The following GALNT1 variants were observed in gnomAD, a reference collection of about 807,000 sequenced individuals.
The protein encoded by GALNT1 is GalNAc transferase 1.
In GALNT1, 17 loss-of-function variants were observed where a neutral mutation model predicts 65.7. The observed-to-expected ratio is 0.26, with a 90% CI of 0.18 to 0.39. The LOEUF is 0.39. Ranked by LOEUF, GALNT1 falls within the 10% of genes least tolerant of loss-of-function variation. The pLI is 1.00. For missense variants in GALNT1, 460 were observed against 672.8 expected, an observed-to-expected ratio of 0.68 and a Z score of 3.50; for synonymous variants, 210 against 219.7, an observed-to-expected ratio of 0.96 and a Z score of 0.39.
In GALNT1 at chr18:35,609,453, A is replaced by G. The variant is rs1403248081; in HGVS notation, c.-104+27591A>G. 2.6e-5 allele frequency among the ~76,000 whole-genome samples: 4 copies of G among 152,092 alleles called. No homozygotes were observed. The East Asian group carries it at 7.7e-4, about 29-fold the overall frequency. On this transcript the variant is annotated intron_variant, in intron 1 of 11. Transcript: ENST00000269195. ...TTGAGATGGTGTTTGCTCTTGGATA[A>G]TTTTGCCTGGAGCGCCTTGCTGCCC... is the stretch of plus-strand genomic sequence containing the variant.
intron 1 of GALNT1, among the ~76,000 whole-genome samples, chr18:35,653,716 A>G (rs1384943213): frequency 6.6e-6 from 1 of 152,200 alleles, no homozygotes; most frequent in Non-Finnish European, 1.5e-5. Context: ...CTATGCTCAA[A>G]CTATCCCAAA....
At chr18:35,633,805 C>G (rs1248223699) in intron 1 of GALNT1, among the ~76,000 whole-genome samples, 3 of 152,090 alleles carry the variant, frequency 2.0e-5, no homozygotes, top group Non-Finnish European at 4.4e-5. Context: ...AAAGCATAGT[C>G]CCAATACTAA....
intron 1 of GALNT1, among the ~76,000 whole-genome samples, chr18:35,640,301 A>G (rs1401947672): frequency 6.6e-6 from 1 of 152,228 alleles, no homozygotes; most frequent in Non-Finnish European, 1.5e-5. Context: ...TTTAAAATCA[A>G]CAAATAAAAA....
chr18:35,602,408 C>T (rs2046593301), intron 1 of GALNT1, among the ~76,000 whole-genome samples: 1 of 152,014 alleles, frequency 6.6e-6, no homozygotes, highest in Admixed American at 6.6e-5. Flanking sequence ...ATATCTTTCT[C>T]TAGGTTTGGA....
At chr18:35,590,017 C>A (rs1164195887) in intron 1 of GALNT1, among the ~76,000 whole-genome samples, 2 of 152,194 alleles carry the variant, frequency 1.3e-5, no homozygotes, top group East Asian at 3.8e-4. Flanking sequence ...TAGACTTTGA[C>A]TAGCACTGCC....
chr18:35,706,714 C>T (rs1340406581), intron 11 of GALNT1, among the ~76,000 whole-genome samples: 1 of 152,068 alleles, frequency 6.6e-6, no homozygotes, highest in African/African-American at 2.4e-5. Context: ...GGAATACCTC[C>T]CTCTCCCTGG....
At chr18:35,659,406 CT>C (rs2047444883) in intron 2 of GALNT1, among the ~76,000 whole-genome samples, 1 of 152,120 alleles carries the variant, frequency 6.6e-6, no homozygotes, top group South Asian at 2.1e-4. Flanking sequence ...GAGTCGTTCT[CT>C]TAAGTCTATA....
intron 2 of GALNT1, among the ~76,000 whole-genome samples, chr18:35,656,372 A>G (rs1332486307): frequency 1.3e-5 from 2 of 152,246 alleles, no homozygotes; most frequent in Non-Finnish European, 2.9e-5. Flanking sequence ...GGGAACTCAC[A>G]GTCTAATGGA....
intron 9 of GALNT1, among the ~76,000 whole-genome samples, chr18:35,700,765 A>G (rs1319070033): frequency 1.3e-5 from 2 of 152,124 alleles, no homozygotes; most frequent in Admixed American, 1.3e-4. Context: ...TTCTACATGC[A>G]TGAGCCACCA....
chr18:35,652,107 C>T (rs986791970), intron 1 of GALNT1, among the ~76,000 whole-genome samples: 1 of 151,976 alleles, frequency 6.6e-6, no homozygotes, highest in Non-Finnish European at 1.5e-5. Context: ...CAGATTTCTT[C>T]CTGGTACGGT....
intron 3 of GALNT1, among the ~76,000 whole-genome samples, chr18:35,670,338 GT>G (rs1250085953): frequency 1.3e-5 from 2 of 151,922 alleles, no homozygotes; most frequent in Non-Finnish European, 2.9e-5. Context: ...AGGTTTTAAG[GT>G]CTATATTAAA....
At chr18:35,622,675 TA>T (rs2046868100) in intron 1 of GALNT1, among the ~76,000 whole-genome samples, 1 of 152,222 alleles carries the variant, frequency 6.6e-6, no homozygotes, top group South Asian at 2.1e-4. Flanking sequence ...GATTTTCTAT[TA>T]TTTTTTGTTC....
chr18:35,610,005 GC>G (rs2046697201), intron 1 of GALNT1, among the ~76,000 whole-genome samples: 1 of 152,046 alleles, frequency 6.6e-6, no homozygotes, highest in Non-Finnish European at 1.5e-5. Flanking sequence ...TTTTTATTAT[GC>G]CTGGAACCAT....
rs2048337885 is a variant in GALNT1, at chr18:35,710,594, C to G, written c.*824C>G. The G allele has an allele frequency of 6.6e-6, 1 of 152,326 alleles. No individual in the cohort carries two copies. The highest frequency in any genetic ancestry group is 1.5e-5 in the Non-Finnish European group (1 of 68,026). 9.4% of individuals were successfully genotyped at this position (152,326 alleles called of 1,614,324 possible). On this transcript the variant is annotated 3_prime_UTR_variant, in exon 12 of 12. Coordinates refer to ENST00000269195, the MANE Select transcript of GALNT1 (RefSeq NM_020474.4). ...CTAAAAAATGGAAATTTAACAATGT[C>G]TGATCTCAGCTGAACAAATTAGATG...
At chr18:35,626,166 C>T in intron 1 of GALNT1, among the ~76,000 whole-genome samples, 1 of 152,196 alleles carries the variant, frequency 6.6e-6, no homozygotes, top group South Asian at 2.1e-4. Context: ...CAACTCTCGG[C>T]ATCTTTTGCA....
chr18:35,634,264 T>G (rs2047060789), intron 1 of GALNT1, among the ~76,000 whole-genome samples: 1 of 152,166 alleles, frequency 6.6e-6, no homozygotes, highest in Admixed American at 6.5e-5. Context: ...TACAGTAACA[T>G]TGCTAGGGGT....
Position 35,654,727 on chromosome 18 carries a change from T to C in GALNT1, c.65T>C (p.Met22Thr). 2 of 1,580,980 alleles carry C rather than the reference T, an allele frequency of 1.3e-6. No homozygotes were observed. The highest frequency in any genetic ancestry group is 8.6e-7 in the Non-Finnish European group (1 of 1,161,510). The change falls in exon 2 of 12, where the codon ATG becomes ACG. Residue 22 changes from methionine (M) to threonine (T), a missense_variant. Met to Thr is a moderately conservative substitution (Grantham distance 81). Coordinates refer to ENST00000269195, the MANE Select transcript of GALNT1 (RefSeq NM_020474.4). Reference protein sequence around the residue: ...ATSLIWVLLDMFLLLYFSECN... With the variant: ...ATSLIWVLLDTFLLLYFSECN... ...TCCTTGATTTGGGTACTCTTGGATA[T>C]GTTCCTGCTGCTTTACTTCAGTGAA...
chr18:35,680,758 G>A (rs1168648511), intron 4 of GALNT1, among the ~76,000 whole-genome samples: 1 of 152,156 alleles, frequency 6.6e-6, no homozygotes, highest in African/African-American at 2.4e-5. Context: ...TAGCATGGTA[G>A]AGGAGTATCC....
intron 1 of GALNT1, among the ~76,000 whole-genome samples, chr18:35,621,095 T>A (rs569310298): frequency 1.3e-5 from 2 of 152,168 alleles, no homozygotes; most frequent in Non-Finnish European, 2.9e-5. Context: ...TCTTATATGT[T>A]CCATGTTTAT....
Sources: gnomAD v4.1 joint callset for allele counts (sites outside exome capture counted in the v4.1 genomes callset) on GRCh38, gnomAD v4.1.1 for gene constraint, MANE v1.5 for transcripts, NCBI Gene and HGNC (gene_info 2026-07-23, HGNC 2026-07-21) for gene names.